The following NRXN1 variants were observed in gnomAD, a reference collection of about 807,000 sequenced individuals.
The protein encoded by NRXN1 is neurexin 1.
Under a neutral mutation model 150.9 loss-of-function variants are expected in NRXN1, and 39 were observed. That is an observed-to-expected ratio of 0.26 (90% confidence interval 0.20 to 0.34). The LOEUF (loss-of-function observed/expected upper bound fraction) is 0.34. Among genes scored for constraint, NRXN1 ranks in the 10% least tolerant of loss-of-function variants. The pLI, the probability that NRXN1 is intolerant of heterozygous loss-of-function variation, is 1.00. For missense variants in NRXN1, 1,815 were observed against 1,949.9 expected (o/e 0.93, Z 1.30); for synonymous variants, 924 against 757.0 (o/e 1.22, Z -3.62).
intron 17 of NRXN1, among the ~76,000 whole-genome samples, chr2:50,311,210 T>G (rs528697402): frequency 6.6e-6 from 1 of 152,234 alleles, no homozygotes; most frequent in South Asian, 2.1e-4. Flanking sequence ...AAAACAAAAC[T>G]AATTTCAAAG....
intron 17 of NRXN1, among the ~76,000 whole-genome samples, chr2:50,329,780 T>C (rs900942360): frequency 6.7e-6 from 1 of 148,262 alleles, no homozygotes; most frequent in Non-Finnish European, 1.5e-5. Context: ...TTCGAATGAT[T>C]CTCCAGCCTC....
intron 2 of NRXN1, among the ~76,000 whole-genome samples, chr2:51,009,698 T>C (rs1667558505): frequency 6.6e-6 from 1 of 151,970 alleles, no homozygotes. Context: ...AATGATAATA[T>C]ACCTTACTAT....
intron 8 of NRXN1, among the ~76,000 whole-genome samples, chr2:50,617,039 A>G (rs1679172945): frequency 6.6e-6 from 1 of 152,192 alleles, no homozygotes; most frequent in African/African-American, 2.4e-5. Flanking sequence ...TTAACTCACA[A>G]TCCATGATAC....
chr2:49,935,408 C>G (rs1316508650), intron 22 of NRXN1, among the ~76,000 whole-genome samples: 1 of 152,118 alleles, frequency 6.6e-6, no homozygotes, highest in Non-Finnish European at 1.5e-5. Flanking sequence ...TTAATGGCCT[C>G]TGGCTATACT....
chr2:50,507,629 G>T, intron 12 of NRXN1, among the ~76,000 whole-genome samples: 1 of 74,944 alleles, frequency 1.3e-5, no homozygotes, highest in East Asian at 3.1e-4. Context: ...GACTATATCC[G>T]TCACCTCAAA....
chr2:50,460,721 AT>A (rs2088103921), intron 17 of NRXN1, among the ~76,000 whole-genome samples: 2 of 152,154 alleles, frequency 1.3e-5, no homozygotes, highest in South Asian at 4.2e-4. Flanking sequence ...TAGGAAAAAT[AT>A]TTTAATCCTT....
chr2:50,609,975 T>A (rs1486932342), intron 8 of NRXN1, among the ~76,000 whole-genome samples: 2 of 152,136 alleles, frequency 1.3e-5, no homozygotes, highest in African/African-American at 4.8e-5. Flanking sequence ...ATCACATGCT[T>A]CGGAATAAGA....
Position 50,623,526 on chromosome 2 carries a change from T to C in NRXN1, c.922A>G (p.Ile308Val), listed in dbSNP as rs752415397. The C allele has an allele frequency of 6.2e-7, 1 of 1,613,350 alleles. No homozygotes were observed. Among genetic ancestry groups the C allele is most frequent in the South Asian group, 1.1e-5 (1 of 91,078 alleles). ...TGAAGGGTTTTAAATGACAGAGTTA[T>C]TTCATCACTGCTGCTTTGAATGGGG... The part of the protein sequence containing the change: ...QNPIQSSSDE[I>V]TLSFKTLQRN... Residue 308 changes from isoleucine to valine, a missense_variant, in exon 6 of 23, where the codon ATA becomes GTA. Transcript: ENST00000401669.
intron 5 of NRXN1, among the ~76,000 whole-genome samples, chr2:50,682,990 C>G (rs1292205655): frequency 6.6e-6 from 1 of 151,966 alleles, no homozygotes; most frequent in Non-Finnish European, 1.5e-5. Context: ...TGTAACTACA[C>G]ATATACTTGT....
intron 5 of NRXN1, among the ~76,000 whole-genome samples, chr2:50,680,510 G>C (rs1359030463): frequency 1.3e-5 from 2 of 152,012 alleles, no homozygotes; most frequent in Admixed American, 6.6e-5. Context: ...TTATAATGTT[G>C]ATACAAAGTC....
intron 5 of NRXN1, among the ~76,000 whole-genome samples, chr2:50,787,215 T>C (rs566891605): frequency 6.6e-6 from 1 of 152,190 alleles, no homozygotes; most frequent in East Asian, 1.9e-4. Context: ...CTGAAATATC[T>C]TACAGCATCT....
intron 17 of NRXN1, among the ~76,000 whole-genome samples, chr2:50,329,615 GTGTATATATATATATATATATATA>G (rs2076650647): frequency 3.2e-4 from 5 of 15,800 alleles, no homozygotes; most frequent in Non-Finnish European, 5.8e-4. Flanking sequence ...GTGTGTGTGT[GTGTATATATATATATATATATATA>G]TATATATATA....
chr2:50,053,303 C>T lies in NRXN1; in HGVS notation c.4096G>A (p.Gly1366Arg). 2 of 1,613,954 alleles carry T rather than the reference C, an allele frequency of 1.2e-6. No individual in the cohort carries two copies. Among genetic ancestry groups the T allele is most frequent in the Non-Finnish European group, 1.7e-6 (2 of 1,179,882 alleles). ...TTLATSTARR[G>R]KPPTKEPISQ... is the part of the protein sequence containing the mutation. ...ATGGGTTCTTTTGTCGGGGGCTTTC[C>T]TCTTCTGGCTGTGCTAGTAGCCAGG... Residue 1366 changes from glycine to arginine, a missense_variant, in exon 21 of 23, where the codon GGA (glycine) becomes AGA (arginine). Physicochemically the swap from Gly to Arg is moderately radical, Grantham distance 125. Coordinates refer to ENST00000401669, the MANE Select transcript of NRXN1 (RefSeq NM_001330078.2).
chr2:50,666,873 ATGATGATG>A (rs1447215221), intron 5 of NRXN1, among the ~76,000 whole-genome samples: 16 of 78,006 alleles, frequency 2.1e-4, no homozygotes, highest in East Asian at 6.6e-4. Context: ...GATGATGATG[ATGATGATG>A]TGTGTGTGTG....
At chr2:50,811,904 G>A (rs1009255134) in intron 5 of NRXN1, among the ~76,000 whole-genome samples, 1 of 151,936 alleles carries the variant, frequency 6.6e-6, no homozygotes, top group African/African-American at 2.4e-5. Context: ...TAAAAATGTG[G>A]CTCCATATTA....
intron 15 of NRXN1, among the ~76,000 whole-genome samples, chr2:50,492,630 T>G (rs1405401634): frequency 6.6e-6 from 1 of 152,112 alleles, no homozygotes; most frequent in African/African-American, 2.4e-5. Flanking sequence ...AACTCCCGGG[T>G]CCTATGCAGC....
In NRXN1 at chr2:50,609,251, A is replaced by T. The variant is rs141069167; in HGVS notation, c.1320+10771T>A. 4.2e-4 allele frequency among the ~76,000 whole-genome samples: 64 copies of T among 152,244 alleles called. 1 individual carries two copies. In the East Asian group the frequency reaches 0.012, roughly 28 times the overall value. On this transcript the variant is annotated intron_variant, in intron 8 of 22. Transcript: ENST00000401669. Reference sequence around the variant, plus strand: ...TTCATCTGCAACCAGGACAATTCACATATTTGTAGGGGTCAGTGTAAAATG... The same window carrying T: ...TTCATCTGCAACCAGGACAATTCACTTATTTGTAGGGGTCAGTGTAAAATG...
intron 17 of NRXN1, among the ~76,000 whole-genome samples, chr2:50,358,474 A>G (rs760756422): frequency 6.6e-6 from 1 of 152,198 alleles, no homozygotes; most frequent in Non-Finnish European, 1.5e-5. Flanking sequence ...GGAAGTTTGG[A>G]CTGGGCAGAG....
intron 5 of NRXN1, among the ~76,000 whole-genome samples, chr2:50,872,117 T>A (rs1004476732): frequency 1.3e-5 from 2 of 151,936 alleles, no homozygotes; most frequent in Non-Finnish European, 2.9e-5. Flanking sequence ...TTCCCCTTTA[T>A]GTGTGTGTAT....
Sources: allele counts gnomAD v4.1 joint callset (sites outside exome capture counted in the v4.1 genomes callset), GRCh38; gene constraint gnomAD v4.1.1; transcripts MANE v1.5; gene names NCBI Gene and HGNC (gene_info 2026-07-23, HGNC 2026-07-21).